Variants in HS6ST2 observed in about 807,000 individuals in gnomAD.
The protein encoded by HS6ST2 is heparan sulfate 6-O-sulfotransferase 2.
Under a neutral mutation model 33.0 loss-of-function variants are expected in HS6ST2, and 17 were observed. That is an observed-to-expected ratio of 0.52 (90% CI 0.35 to 0.77). The LOEUF is 0.77. Ranked by LOEUF, HS6ST2 falls within the 30% of genes least tolerant of loss-of-function variation. The pLI, the probability that HS6ST2 is intolerant of heterozygous loss-of-function variation, is 0.01. For synonymous variants in HS6ST2, 248 were observed against 237.1 expected, an observed-to-expected ratio of 1.05 and a Z score of -0.42; for missense variants, 519 against 551.7, an observed-to-expected ratio of 0.94 and a Z score of 0.59.
intron 3 of HS6ST2, among the ~76,000 whole-genome samples, chrX:132,704,602 T>C (rs1240799080): frequency 8.9e-6 from 1 of 111,975 alleles, no homozygotes; most frequent in Non-Finnish European, 1.9e-5. Flanking sequence ...TTAACACTTC[T>C]TCCAAACATG....
At chrX:132,769,481 G>A (rs768659918) in intron 2 of HS6ST2, among the ~76,000 whole-genome samples, 1 of 111,857 alleles carries the variant, frequency 8.9e-6, no homozygotes, top group South Asian at 3.7e-4. Flanking sequence ...CAGCTCAGGG[G>A]GAAAAGTGTG....
chrX:132,944,180 T>C (rs1220680626), intron 2 of HS6ST2, among the ~76,000 whole-genome samples: 2 of 111,725 alleles, frequency 1.8e-5, no homozygotes, highest in Admixed American at 9.5e-5. Flanking sequence ...ACAAAATCAA[T>C]GTGCAAAAAT....
chrX:132,847,712 G>C (rs750638425), intron 2 of HS6ST2, among the ~76,000 whole-genome samples: 1 of 111,360 alleles, frequency 9.0e-6, no homozygotes, highest in South Asian at 3.9e-4. Context: ...TCAAATCCAT[G>C]TTATCAGAGG....
At chrX:132,735,424 G>A (rs1456589940) in intron 2 of HS6ST2, 2 of 111,828 alleles carry the variant, frequency 1.8e-5, no homozygotes, top group East Asian at 5.6e-4. Flanking sequence ...TCAAAAACGT[G>A]TAAAGATTCC....
intron 3 of HS6ST2, among the ~76,000 whole-genome samples, chrX:132,686,150 TCTG>T (rs1217474023): frequency 8.9e-6 from 1 of 112,227 alleles, no homozygotes; most frequent in Non-Finnish European, 1.9e-5. Context: ...TGAAAACAGT[TCTG>T]CTGACAGGTG....
At chrX:132,637,866 AT>A (rs1234929532) in intron 4 of HS6ST2, among the ~76,000 whole-genome samples, 5 of 42,689 alleles carry the variant, frequency 1.2e-4, no homozygotes, top group South Asian at 9.7e-4. Context: ...TATATAATAT[AT>A]TATATATAAT....
intron 4 of HS6ST2, among the ~76,000 whole-genome samples, chrX:132,632,560 C>T (rs2063525712): frequency 9.1e-6 from 1 of 110,325 alleles, no homozygotes. Flanking sequence ...CAGGTCAAGA[C>T]TTGCTTAGTC....
At chrX:132,847,082 A>C (rs964244450) in intron 2 of HS6ST2, among the ~76,000 whole-genome samples, 1 of 111,496 alleles carries the variant, frequency 9.0e-6, no homozygotes, top group African/African-American at 3.3e-5. Context: ...TATCAAGTCC[A>C]AGAAGGTCTT....
At chrX:132,864,865 T>C (rs1397431819) in intron 2 of HS6ST2, among the ~76,000 whole-genome samples, 1 of 111,163 alleles carries the variant, frequency 9.0e-6, no homozygotes, top group Non-Finnish European at 1.9e-5. Context: ...GAAAGAAAGG[T>C]CGCGTTACCC....
rs139198117 is a variant in HS6ST2 at position 132,761,705 on chromosome X, G to A, written c.948-53211C>T. On this transcript the variant is annotated intron_variant, in intron 2 of 4. Coordinates refer to ENST00000370833, the MANE Select transcript of HS6ST2 (RefSeq NM_001394073.1). ...TTAGGTCCCAAATGGCAATACCGAA[G>A]CACAATGGCTACAGTCACAGCCTTT... Among the ~76,000 whole-genome samples, 793 of 112,196 alleles carry A rather than the reference G, an allele frequency of 7.1e-3. 10 individuals are homozygous for A. In the South Asian group the frequency reaches 0.077, roughly 11 times the overall value.
intron 3 of HS6ST2, among the ~76,000 whole-genome samples, chrX:132,670,321 G>A (rs893873326): frequency 1.8e-5 from 2 of 111,640 alleles, no homozygotes; most frequent in Admixed American, 9.5e-5. Context: ...TATGTGGGGT[G>A]GGCTGGGGGT....
At chrX:132,687,357 G>A (rs1363435919) in intron 3 of HS6ST2, among the ~76,000 whole-genome samples, 1 of 110,813 alleles carries the variant, frequency 9.0e-6, no homozygotes, top group Admixed American at 9.6e-5. Flanking sequence ...ATGCTCATTT[G>A]GATATATATG....
upstream of HS6ST2, chrX:132,958,636 C>T: frequency 9.1e-7 from 1 of 1,099,002 alleles, no homozygotes; most frequent in African/African-American, 1.8e-5. Flanking sequence ...TACTAAGGAT[C>T]ACGAGCGAGC....
intron 2 of HS6ST2, among the ~76,000 whole-genome samples, chrX:132,822,981 C>T (rs1163331235): frequency 8.9e-6 from 1 of 112,589 alleles, no homozygotes; most frequent in Non-Finnish European, 1.9e-5. Context: ...GTGTGTTCTG[C>T]CACAAGGCCC....
At chrX:132,904,369 T>TAATAAA (rs1175837787) in intron 2 of HS6ST2, among the ~76,000 whole-genome samples, 42 of 111,752 alleles carry the variant, frequency 3.8e-4, no homozygotes, top group Middle Eastern at 4.6e-3. Flanking sequence ...TTCCGGCTTT[T>TAATAAA]ACTATTAAAA....
chrX:132,748,920 T>C (rs1416686746), intron 2 of HS6ST2, among the ~76,000 whole-genome samples: 1 of 111,695 alleles, frequency 9.0e-6, no homozygotes, highest in Admixed American at 9.5e-5. Flanking sequence ...TGGGCCACTG[T>C]TCCCAGCCTC....
rs750476069 is a variant in HS6ST2 at position 132,843,162 on chromosome X, G to A, written c.947+113646C>T. 9.8e-5 allele frequency among the ~76,000 whole-genome samples: 11 copies of A among 111,848 alleles called. No individual in the cohort carries two copies. In the South Asian group the frequency reaches 1.1e-3, roughly 11 times the overall value. ...TAAATTCTTCATAAGTATTATATCC[G>A]TTAAAAGTTCTCAATGCTACCTGAA... On this transcript the variant is annotated intron_variant, in intron 2 of 4. Transcript: ENST00000370833.
At chrX:132,849,492 A>G (rs867330631) in intron 2 of HS6ST2, among the ~76,000 whole-genome samples, 1 of 112,036 alleles carries the variant, frequency 8.9e-6, no homozygotes, top group African/African-American at 3.2e-5. Flanking sequence ...CTGCTGGGAA[A>G]CACTGTACTG....
At chrX:132,902,229 G>A (rs2066432407) in intron 2 of HS6ST2, among the ~76,000 whole-genome samples, 1 of 110,564 alleles carries the variant, frequency 9.0e-6, no homozygotes. Context: ...AGCCTCCTGA[G>A]TAGCTGGGAC....
Sources: allele counts gnomAD v4.1 joint callset (sites outside exome capture counted in the v4.1 genomes callset), GRCh38; gene constraint gnomAD v4.1.1; transcripts MANE v1.5; gene names NCBI Gene and HGNC (gene_info 2026-07-23, HGNC 2026-07-21).